Variants in BACE2 observed in about 807,000 individuals in gnomAD.
BACE2 encodes the protein beta-secretase 2.
In BACE2, 17 loss-of-function variants were observed where a neutral mutation model predicts 46.2. The ratio of observed to expected loss-of-function variants is 0.37; its 90% CI spans 0.25 to 0.55. The LOEUF is 0.55. BACE2 is among the 20% of genes least tolerant of loss of function. The pLI, the probability that BACE2 is intolerant of heterozygous loss-of-function variation, is 0.82. For missense variants in BACE2, 595 were observed against 698.1 expected, an observed-to-expected ratio of 0.85 and a Z score of 1.66; for synonymous variants, 277 against 295.9, an observed-to-expected ratio of 0.94 and a Z score of 0.66.
intron 2 of BACE2, among the ~76,000 whole-genome samples, chr21:41,226,710 G>A (rs1393616447): frequency 6.6e-6 from 1 of 152,222 alleles, no homozygotes; most frequent in Non-Finnish European, 1.5e-5. Context: ...TGGAGCAGGG[G>A]ACGAGGTCTT....
chr21:41,189,370 T>C (rs1470987463), intron 1 of BACE2, among the ~76,000 whole-genome samples: 1 of 152,232 alleles, frequency 6.6e-6, no homozygotes, highest in Non-Finnish European at 1.5e-5. Flanking sequence ...TTTTTGGTTC[T>C]TCTCTCCATT....
At chr21:41,226,449 T>G (rs1986821559) in intron 2 of BACE2, 95 bp downstream of exon 2, 4 of 1,151,844 alleles carry the variant, frequency 3.5e-6, no homozygotes, top group African/African-American at 1.5e-5. Context: ...AGAAAGCTGT[T>G]TCATTTTAAG....
intron 3 of BACE2, among the ~76,000 whole-genome samples, chr21:41,238,969 A>G (rs1445099552): frequency 6.6e-6 from 1 of 150,590 alleles, no homozygotes; most frequent in Admixed American, 6.6e-5. Context: ...AAAAAAAAAA[A>G]AAAAAAAAAA....
intron 3 of BACE2, 39 bp downstream of exon 3, chr21:41,237,768 G>A: frequency 1.9e-6 from 3 of 1,550,732 alleles, no homozygotes; most frequent in South Asian, 1.1e-5. Context: ...TCAAATAACA[G>A]GATGAGATTC....
intron 7 of BACE2, among the ~76,000 whole-genome samples, chr21:41,252,812 G>A (rs1184845130): frequency 6.6e-6 from 1 of 152,208 alleles, no homozygotes; most frequent in Non-Finnish European, 1.5e-5. Context: ...TGGTACTACT[G>A]CCTTTTCCCA....
chr21:41,206,009 G>A (rs552696377), intron 1 of BACE2, among the ~76,000 whole-genome samples: 2 of 152,326 alleles, frequency 1.3e-5, no homozygotes, highest in South Asian at 4.1e-4. Flanking sequence ...ATTCACAATA[G>A]CAAAAGGTGG....
intron 3 of BACE2, 180 bp from the exon 4 acceptor site, chr21:41,241,639 G>T: frequency 1.6e-6 from 1 of 613,460 alleles, no homozygotes. Context: ...CCAACCAGTG[G>T]GAAGCTCTGC....
In BACE2 at chr21:41,241,888, A is replaced by G. The variant is rs375187516; in HGVS notation, c.688A>G (p.Met230Val). The G allele has an allele frequency of 3.7e-6, 6 of 1,614,128 alleles. No individual in the cohort carries two copies. The highest frequency in any genetic ancestry group is 5.1e-6 in the Non-Finnish European group (6 of 1,180,016). The change falls in exon 4 of 9, where the codon ATG becomes GTG. Residue 230 changes from methionine (M) to valine (V), a missense_variant. Transcript: ENST00000330333. The part of the protein sequence containing the change: ...TQANIPNVFS[M>V]QMCGAGLPVA... ...AGCAAACATCCCCAACGTTTTCTCC[A>G]TGCAGATGTGTGGAGCCGGCTTGCC...
At chr21:41,246,853 C>T (rs1283825172) in intron 6 of BACE2, among the ~76,000 whole-genome samples, 1 of 152,124 alleles carries the variant, frequency 6.6e-6, no homozygotes, top group Non-Finnish European at 1.5e-5. Flanking sequence ...CCTCTGAGAG[C>T]CTCCGTCTTC....
chr21:41,176,553 T>C (rs1417788642), intron 1 of BACE2: 1 of 152,218 alleles, frequency 6.6e-6, no homozygotes, highest in African/African-American at 2.4e-5. Flanking sequence ...GCCCCTCTGC[T>C]CGGCGGTTTC....
chr21:41,212,913 A>C (rs1277762596), intron 1 of BACE2, among the ~76,000 whole-genome samples: 1 of 152,202 alleles, frequency 6.6e-6, no homozygotes, highest in Non-Finnish European at 1.5e-5. Flanking sequence ...AAGTTGACTA[A>C]GTTTAGCCTA....
intron 1 of BACE2, among the ~76,000 whole-genome samples, chr21:41,199,658 A>T (rs901819485): frequency 6.6e-6 from 1 of 152,100 alleles, no homozygotes; most frequent in Admixed American, 6.5e-5. Flanking sequence ...AAGCCAGTGC[A>T]TGGATCCCAC....
At chr21:41,189,588 G>C (rs1985496774) in intron 1 of BACE2, among the ~76,000 whole-genome samples, 1 of 152,082 alleles carries the variant, frequency 6.6e-6, no homozygotes. Context: ...CAGTGTGTTT[G>C]TCATGGTCTT....
chr21:41,169,449 GAAA>G (rs34570194), intron 1 of BACE2, among the ~76,000 whole-genome samples: 8 of 129,820 alleles, frequency 6.2e-5, no homozygotes, highest in Non-Finnish European at 4.9e-5. Flanking sequence ...ACAGTGATCT[GAAA>G]AAAAAAAAAA....
rs1273024310 is a variant in BACE2 at position 41,189,279 on chromosome 21, T to C, written c.312+20704T>C. On this transcript the variant is annotated intron_variant, in intron 1 of 8. Coordinates refer to ENST00000330333, the MANE Select transcript of BACE2 (RefSeq NM_012105.5). ...TCATGTCTGAGAAATTGTCTAGTAA[T>C]TGCCTGTTCTCTCTTCTTGGACCTC... Among the ~76,000 whole-genome samples, 3 of 152,174 alleles carry C rather than the reference T, an allele frequency of 2.0e-5. No individual in the cohort carries two copies. In the East Asian group the frequency reaches 5.8e-4, roughly 29 times the overall value.
At chr21:41,215,171 G>A (rs1025878386) in intron 1 of BACE2, among the ~76,000 whole-genome samples, 4 of 152,152 alleles carry the variant, frequency 2.6e-5, no homozygotes, top group African/African-American at 7.2e-5. Flanking sequence ...AGAGAGAAAG[G>A]AATTGAGACG....
At chr21:41,188,862 C>T (rs2123509514) in intron 1 of BACE2, among the ~76,000 whole-genome samples, 1 of 152,292 alleles carries the variant, frequency 6.6e-6, no homozygotes, top group East Asian at 1.9e-4. Context: ...CCAGTGTCAA[C>T]AGGATTCTTC....
intron 8 of BACE2, among the ~76,000 whole-genome samples, chr21:41,259,297 G>C (rs1987868943): frequency 1.3e-5 from 2 of 152,178 alleles, no homozygotes; most frequent in South Asian, 4.1e-4. Flanking sequence ...GATTTTACCA[G>C]CCATGGGAAA....
intron 8 of BACE2, among the ~76,000 whole-genome samples, chr21:41,275,060 A>C (rs1348502871): frequency 1.3e-5 from 2 of 152,212 alleles, no homozygotes; most frequent in Non-Finnish European, 2.9e-5. Context: ...TCACCTGTGT[A>C]GTACCGCAGT....
Sources: gnomAD v4.1 joint callset for allele counts (sites outside exome capture counted in the v4.1 genomes callset) on GRCh38, gnomAD v4.1.1 for gene constraint, MANE v1.5 for transcripts, NCBI Gene and HGNC (gene_info 2026-07-23, HGNC 2026-07-21) for gene names.